Variants in GALNT17 observed in about 807,000 individuals in gnomAD.
GALNT17 encodes UDP-GalNAc:polypeptide N-acetylgalactosaminyltransferase-like 3.
In GALNT17, 29 loss-of-function variants were observed where a neutral mutation model predicts 63.7. The ratio of observed to expected loss-of-function variants is 0.46; its 90% confidence interval spans 0.34 to 0.62. The LOEUF (loss-of-function observed/expected upper bound fraction) is 0.62, where lower values mean the gene tolerates loss of function less well. Among genes scored for constraint, GALNT17 ranks in the 20% least tolerant of loss-of-function variants. The pLI, the probability that GALNT17 is intolerant of heterozygous loss-of-function variation, is 0.01. For synonymous variants in GALNT17, 305 were observed against 318.3 expected, an observed-to-expected ratio of 0.96 and a Z score of 0.45; for missense variants, 603 against 799.6, an observed-to-expected ratio of 0.75 and a Z score of 2.97.
chr7:71,283,296 G>T (rs1790811342), intron 1 of GALNT17, among the ~76,000 whole-genome samples: 1 of 152,050 alleles, frequency 6.6e-6, no homozygotes. Flanking sequence ...TTGCTTCAGC[G>T]CTTGGATTAC....
intron 1 of GALNT17, among the ~76,000 whole-genome samples, chr7:71,308,503 C>T (rs1386263921): frequency 1.3e-5 from 2 of 152,110 alleles, no homozygotes; most frequent in Non-Finnish European, 2.9e-5. Flanking sequence ...ACTGCCCTCC[C>T]TCCATTTGAT....
At chr7:71,706,660 G>A (rs2117124255) in intron 9 of GALNT17, among the ~76,000 whole-genome samples, 1 of 152,222 alleles carries the variant, frequency 6.6e-6, no homozygotes, top group Admixed American at 6.5e-5. Flanking sequence ...ACTTTGATTT[G>A]GAACTAATTG....
chr7:71,293,216 A>G (rs898824263), intron 1 of GALNT17, among the ~76,000 whole-genome samples: 3 of 152,228 alleles, frequency 2.0e-5, no homozygotes, highest in African/African-American at 7.2e-5. Flanking sequence ...TTGGATATAT[A>G]TCTAAAATGG....
chr7:71,139,704 G>T (rs376461919), intron 1 of GALNT17, among the ~76,000 whole-genome samples: 4 of 152,036 alleles, frequency 2.6e-5, no homozygotes, highest in East Asian at 3.9e-4. Context: ...AGAAAGAGAG[G>T]AATGGTGGCC....
intron 3 of GALNT17, among the ~76,000 whole-genome samples, chr7:71,402,539 A>G (rs1165620429): frequency 6.6e-6 from 1 of 152,220 alleles, no homozygotes; most frequent in Non-Finnish European, 1.5e-5. Context: ...TAGGTGTCAG[A>G]AATTGCCTAT....
intron 1 of GALNT17, among the ~76,000 whole-genome samples, chr7:71,289,603 G>A (rs1347951425): frequency 2.0e-5 from 3 of 151,982 alleles, no homozygotes; most frequent in South Asian, 2.1e-4. Context: ...AGATGGACCG[G>A]GTGCAACGGC....
At chr7:71,217,966 G>A (rs548801049) in intron 1 of GALNT17, among the ~76,000 whole-genome samples, 4 of 152,116 alleles carry the variant, frequency 2.6e-5, no homozygotes, top group Admixed American at 6.6e-5. Context: ...ATAGAGTAAA[G>A]CAATAGCCCA....
intron 9 of GALNT17, among the ~76,000 whole-genome samples, chr7:71,697,474 A>G (rs76367955): frequency 0.013 from 1,999 of 152,284 alleles, 41 homozygotes; most frequent in African/African-American, 0.046. Context: ...GCGCAAGTCT[A>G]GAACTAGGGG....
intron 10 of GALNT17, 121 bp from the exon 11 acceptor site, chr7:71,711,894 TCTC>T (rs1419795189): frequency 9.2e-7 from 1 of 1,089,388 alleles, no homozygotes; most frequent in Non-Finnish European, 1.3e-6. Context: ...CTCTTTCTCT[TCTC>T]TTTTTCTTTT....
intron 5 of GALNT17, among the ~76,000 whole-genome samples, chr7:71,510,982 G>C (rs1324693053): frequency 1.3e-5 from 2 of 152,062 alleles, no homozygotes; most frequent in African/African-American, 2.4e-5. Flanking sequence ...AGATCAGCCT[G>C]GGCAACATAG....
At chr7:71,348,929 C>A (rs1792141800) in intron 2 of GALNT17, among the ~76,000 whole-genome samples, 1 of 152,194 alleles carries the variant, frequency 6.6e-6, no homozygotes, top group African/African-American at 2.4e-5. Context: ...CCTAAACTTG[C>A]CTCCAGGCGT....
chr7:71,650,233 T>C (rs571547730), intron 6 of GALNT17, among the ~76,000 whole-genome samples: 136 of 152,346 alleles, frequency 8.9e-4, no homozygotes, highest in Non-Finnish European at 1.6e-3. Context: ...TTTTGGGCCA[T>C]ATGACATCAA....
intron 6 of GALNT17, among the ~76,000 whole-genome samples, chr7:71,572,702 C>T (rs1789469023): frequency 6.6e-6 from 1 of 152,026 alleles, no homozygotes; most frequent in Non-Finnish European, 1.5e-5. Flanking sequence ...TAAAAGTCTA[C>T]AATACCATAT....
intron 5 of GALNT17, among the ~76,000 whole-genome samples, chr7:71,429,650 C>T (rs1786823491): frequency 6.6e-6 from 1 of 152,218 alleles, no homozygotes; most frequent in Non-Finnish European, 1.5e-5. Context: ...TCAAGCGATA[C>T]TCCTGCCTCA....
At chr7:71,463,119 G>A (rs181288479) in intron 5 of GALNT17, among the ~76,000 whole-genome samples, 146 of 152,234 alleles carry the variant, frequency 9.6e-4, no homozygotes, top group African/African-American at 3.5e-3. Flanking sequence ...AAGAGTGCAG[G>A]GTGAAGTCAC....
At chr7:71,224,404 C>T (rs1011675995) in intron 1 of GALNT17, among the ~76,000 whole-genome samples, 9 of 152,184 alleles carry the variant, frequency 5.9e-5, no homozygotes, top group African/African-American at 2.2e-4. Context: ...TGATGTTTTC[C>T]ATTATTTTAA....
intron 2 of GALNT17, among the ~76,000 whole-genome samples, chr7:71,363,074 C>T (rs561179636): frequency 1.3e-5 from 2 of 151,990 alleles, no homozygotes; most frequent in Non-Finnish European, 2.9e-5. Context: ...TCAAGTGATT[C>T]TCCTGCCTCA....
intron 5 of GALNT17, among the ~76,000 whole-genome samples, chr7:71,458,898 G>A (rs1361109852): frequency 6.6e-6 from 1 of 152,096 alleles, no homozygotes; most frequent in Non-Finnish European, 1.5e-5. Flanking sequence ...GGTAGGGGGC[G>A]TGGCGGGCCA....
chr7:71,564,662 T>C (rs1789310971), intron 5 of GALNT17, among the ~76,000 whole-genome samples: 1 of 152,134 alleles, frequency 6.6e-6, no homozygotes, highest in Non-Finnish European at 1.5e-5. Context: ...GCACTGGGCT[T>C]ACCTCCTGCC....
Sources: allele counts gnomAD v4.1 joint callset (sites outside exome capture counted in the v4.1 genomes callset), GRCh38; gene constraint gnomAD v4.1.1; transcripts MANE v1.5; gene names NCBI Gene and HGNC (gene_info 2026-07-23, HGNC 2026-07-21).